BCKDK: variants seen among roughly 807,000 people sequenced by gnomAD.
BCKDK encodes the protein branched chain keto acid dehydrogenase kinase, also known as branched-chain alpha-ketoacid dehydrogenase kinase.
BCKDK carries 28 observed loss-of-function variants against 43.9 expected under a neutral mutation model. That is an observed-to-expected ratio of 0.64 (90% CI 0.47 to 0.87). The LOEUF (loss-of-function observed/expected upper bound fraction) is 0.87, where lower values mean the gene tolerates loss of function less well. BCKDK is among the 40% of genes least tolerant of loss of function. The probability of loss-of-function intolerance (pLI) is 0.00; values close to 1 mark genes in which losing one functional copy is unlikely to be tolerated. For synonymous variants in BCKDK, 257 were observed against 234.3 expected (o/e 1.10, Z -0.88); for missense variants, 483 against 581.4 (o/e 0.83, Z 1.74).
chr16:31,113,555 C>T (rs1225957381), downstream of BCKDK, among the ~76,000 whole-genome samples: 2 of 152,332 alleles, frequency 1.3e-5, no homozygotes, highest in Non-Finnish European at 2.9e-5. Flanking sequence ...GAGTTCACTG[C>T]AGCCTTGAAC....
Position 31,109,816 on chromosome 16 carries a change from A to G in BCKDK, c.375+33A>G. On this transcript the variant is annotated intron_variant, in intron 4 of 11. Transcript: ENST00000219794. The surrounding 1 kb of genome is among the most constrained non-coding windows in gnomAD (Gnocchi z 5.3). ...AGAGAGGACCTTAGGTCAGCGGGCC[A>G]CCCTGCCCCGGGGGCAAGTGGGGAG... 6.2e-7 allele frequency: 1 copy of G among 1,604,006 alleles called. No individual in the cohort carries two copies. Among genetic ancestry groups the G allele is most frequent in the African/African-American group, 1.3e-5 (1 of 74,760 alleles).
rs1302551644 is a variant in BCKDK, at chr16:31,109,955, G to A, written c.376-122G>A. ...TGTATTCACGGAGCCTGGAAGGGTC[G>A]AAGTGGGGGTTTGATCACGTGGTCG... On this transcript the variant is annotated intron_variant, in intron 4 of 11. Transcript: ENST00000219794. The surrounding 1 kb of genome is among the most constrained non-coding windows in gnomAD (Gnocchi z 5.3). The A allele has an allele frequency of 4.8e-6, 7 of 1,463,936 alleles. No individual in the cohort carries two copies. Among genetic ancestry groups the A allele is most frequent in the Admixed American group, 1.7e-5 (1 of 58,314 alleles). The allele number at this position is 1,463,936 out of a possible 1,614,324, so 90.7% of individuals were successfully genotyped here. A position where few individuals can be genotyped will look rare whatever the true frequency, so the allele number is the denominator to read the frequency against.
chr16:31,111,450 G>T, intron 10 of BCKDK, 61 bp downstream of exon 10: 2 of 1,564,422 alleles, frequency 1.3e-6, no homozygotes, highest in South Asian at 2.2e-5. Context: ...CACTGTTTCT[G>T]ACTTGATTTA....
chr16:31,116,151 C>T (rs1291786163), downstream of BCKDK, among the ~76,000 whole-genome samples: 1 of 151,650 alleles, frequency 6.6e-6, no homozygotes, highest in African/African-American at 2.4e-5. Context: ...CTTCTGACCT[C>T]GTGATCCACC....
chr16:31,110,569 G>T lies in BCKDK; in HGVS notation c.642+70G>T, dbSNP rs554174460. 2.9e-5 allele frequency: 47 copies of T among 1,597,086 alleles called. No homozygotes were observed. Among genetic ancestry groups the T allele is most frequent in the Non-Finnish European group, 3.4e-5 (40 of 1,165,294 alleles). On this transcript the variant is annotated intron_variant, in intron 7 of 11. Transcript: ENST00000219794. This position sits in a 1 kb window ranked among gnomAD's most constrained non-coding sequence, Gnocchi z 5.4. ...ACAGAGGAGACTGGGCTGGGGATCC[G>T]GGTCAAGGGCCTGGGGGCTGAGGCT...
Position 31,111,992 on chromosome 16 carries a change from C to T in BCKDK, c.1059C>T (p.Asp353=), listed in dbSNP as rs534671893. Residue 353 remains aspartate, a synonymous_variant, in exon 11 of 12, where the codon GAC becomes GAT. Transcript: ENST00000219794. The part of the protein sequence containing the change: ...PRISPLFGHL[D]MHSGAQSGPM... ...TCAGCCCCCTCTTTGGCCATCTGGA[C>T]ATGCATAGTGGCGCCCAGTCAGGAC... 6.2e-7 allele frequency: 1 copy of T among 1,614,124 alleles called. No individual in the cohort carries two copies. The highest frequency in any genetic ancestry group is 1.1e-5 in the South Asian group (1 of 91,080).
chr16:31,109,430 G>A lies in BCKDK; in HGVS notation c.195+12G>A. ...CGGCAGCGGAGAAGGTGCGCAAGGG[G>A]GCAGCCAGCCCAGGGTCCGGGATGT... On this transcript the variant is annotated intron_variant, in intron 2 of 11. Coordinates refer to ENST00000219794, the MANE Select transcript of BCKDK (RefSeq NM_005881.4). The surrounding 1 kb of genome is among the most constrained non-coding windows in gnomAD (Gnocchi z 5.3). 6.2e-7 allele frequency: 1 copy of A among 1,611,988 alleles called. No individual in the cohort carries two copies. The highest frequency in any genetic ancestry group is 8.5e-7 in the Non-Finnish European group (1 of 1,178,778).
In BCKDK at chr16:31,110,356, T is replaced by TG; in HGVS notation, c.543+37dup. On this transcript the variant is annotated intron_variant, in intron 6 of 11. Coordinates refer to ENST00000219794, the MANE Select transcript of BCKDK (RefSeq NM_005881.4). This position sits in a 1 kb window ranked among gnomAD's most constrained non-coding sequence, Gnocchi z 5.4. ...GCAGCAAAGGAGAGGCCGGGCCTGC[T>TG]GGGGGTGGGAAGGGCACGGGATTCT... The TG allele has an allele frequency of 6.2e-7, 1 of 1,613,932 alleles. No homozygotes were observed. The highest frequency in any genetic ancestry group is 2.2e-5 in the East Asian group (1 of 44,874).
rs746453488 is a variant in BCKDK at position 31,111,376 on chromosome 16, G to A, written c.922G>A (p.Asp308Asn). 5.6e-6 allele frequency: 9 copies of A among 1,614,116 alleles called. No homozygotes were observed. In the South Asian group the frequency reaches 8.8e-5, roughly 16 times the overall value. The change falls in exon 10 of 12, where the codon GAT (aspartate) becomes AAT (asparagine). Residue 308 changes from aspartate to asparagine, a missense_variant. Asp to Asn is a conservative substitution (Grantham distance 23). Transcript: ENST00000219794. ...CATCACCATCGCCAACAATGATGTCGATCTGATCATCAGGTTTGCCCTGAG... is the reference window on the plus strand; with the variant it reads ...CATCACCATCGCCAACAATGATGTCAATCTGATCATCAGGTTTGCCCTGAG... ...VVITIANNDV[D>N]LIIRISDRGG...
Position 31,110,306 on chromosome 16 carries a change from G to C in BCKDK, c.525G>C (p.Glu175Asp). The C allele has an allele frequency of 6.2e-7, 1 of 1,614,050 alleles. No individual in the cohort carries two copies. The highest frequency in any genetic ancestry group is 8.5e-7 in the Non-Finnish European group (1 of 1,179,972). The change falls in exon 6 of 12, where the codon GAG (glutamate) becomes GAC (aspartate). Residue 175 changes from glutamate (E) to aspartate (D), a missense_variant. Coordinates refer to ENST00000219794, the MANE Select transcript of BCKDK (RefSeq NM_005881.4). This position sits in a 1 kb window ranked among gnomAD's most constrained non-coding sequence, Gnocchi z 5.4. ...CCCTCTTGGCAGAGGGCCTACGTGA[G>C]AGCCGGAAGCACATAGAGGTTGGGG... ...VVTLLAEGLR[E>D]SRKHIEDEKL...
downstream of BCKDK, among the ~76,000 whole-genome samples, chr16:31,115,287 A>G (rs933884964): frequency 7.4e-5 from 11 of 148,052 alleles, no homozygotes; most frequent in South Asian, 8.5e-4. Context: ...CAATGGCACA[A>G]TCTCAGCTCA....
rs908554207 is a variant in BCKDK at position 31,110,302 on chromosome 16, G to A, written c.521G>A (p.Arg174His). ...DVVTLLAEGLRESRKHIEDEK... is the reference protein window; with the variant it reads ...DVVTLLAEGLHESRKHIEDEK... ...GTGACCCTCTTGGCAGAGGGCCTAC[G>A]TGAGAGCCGGAAGCACATAGAGGTT... The change falls in exon 6 of 12, where the codon CGT becomes CAT. Residue 174 changes from arginine (R) to histidine (H), a missense_variant. Coordinates refer to ENST00000219794, the MANE Select transcript of BCKDK (RefSeq NM_005881.4). This position sits in a 1 kb window ranked among gnomAD's most constrained non-coding sequence, Gnocchi z 5.4. 9.3e-6 allele frequency: 15 copies of A among 1,613,912 alleles called. No individual in the cohort carries two copies. The highest frequency in any genetic ancestry group is 1.2e-5 in the Non-Finnish European group (14 of 1,179,992).
At chr16:31,114,296 C>CG (rs1438249379), downstream of BCKDK, among the ~76,000 whole-genome samples, 7 of 145,558 alleles carry the variant, frequency 4.8e-5, no homozygotes, top group Non-Finnish European at 9.0e-5. Flanking sequence ...CCCCACCCCC[C>CG]CCCAACCCCA....
At chr16:31,117,406 A>G (rs1019814070), downstream of BCKDK, 1 of 315,356 alleles carries the variant, frequency 3.2e-6, no homozygotes, top group African/African-American at 2.2e-5. Context: ...ATAAATTAAA[A>G]AAAGGTTGAG....
chr16:31,114,881 A>G (rs1311038714), downstream of BCKDK, among the ~76,000 whole-genome samples: 4 of 151,568 alleles, frequency 2.6e-5, no homozygotes, highest in African/African-American at 4.9e-5. Context: ...CATCCTTACA[A>G]TATTTCCTTT....
chr16:31,117,369 A>AAATAAAT (rs2057453702), downstream of BCKDK: 1 of 146,364 alleles, frequency 6.8e-6, no homozygotes, highest in African/African-American at 2.6e-5. Flanking sequence ...ATTCCGTCTC[A>AAATAAAT]AAATAAATAA....
downstream of BCKDK, among the ~76,000 whole-genome samples, chr16:31,116,298 C>T (rs1317603750): frequency 2.0e-5 from 3 of 150,770 alleles, no homozygotes; most frequent in Admixed American, 1.3e-4. Flanking sequence ...CTGCAACCTC[C>T]GCCTCCCGGG....
chr16:31,110,386 C>T lies in BCKDK; in HGVS notation c.544-15C>T. The T allele has an allele frequency of 6.2e-7, 1 of 1,614,022 alleles. No individual in the cohort carries two copies. Among genetic ancestry groups the T allele is most frequent in the Non-Finnish European group, 8.5e-7 (1 of 1,180,014 alleles). On this transcript the variant is annotated splice_polypyrimidine_tract_variant and intron_variant, in intron 6 of 11. Coordinates refer to ENST00000219794, the MANE Select transcript of BCKDK (RefSeq NM_005881.4). This position sits in a 1 kb window ranked among gnomAD's most constrained non-coding sequence, Gnocchi z 5.4. ...GTGGGAAGGGCACGGGATTCTGAGACCTCACTCTTTACAGGATGAAAAGCT... is the reference window on the plus strand; with the variant it reads ...GTGGGAAGGGCACGGGATTCTGAGATCTCACTCTTTACAGGATGAAAAGCT...
In BCKDK at chr16:31,111,179, C is replaced by T; in HGVS notation, c.805C>T (p.Leu269=). ...AARFPFIPMP[L]DYILPELLKN... ...CCGGTTCCCCTTCATCCCTATGCCA[C>T]TGGACTACATCCTGCCGGAGCTGCT... Residue 269 remains leucine (L), a synonymous_variant, in exon 9 of 12, where the codon CTG becomes TTG. Transcript: ENST00000219794. 1 of 1,614,222 alleles carries T rather than the reference C, an allele frequency of 6.2e-7. No homozygotes were observed. Among genetic ancestry groups the T allele is most frequent in the Non-Finnish European group, 8.5e-7 (1 of 1,180,036 alleles).
Sources: allele counts gnomAD v4.1 joint callset (sites outside exome capture counted in the v4.1 genomes callset), GRCh38; gene constraint gnomAD v4.1.1; non-coding constraint Gnocchi (gnomAD v3.1); transcripts MANE v1.5; gene names NCBI Gene and HGNC (gene_info 2026-07-23, HGNC 2026-07-21).